ADCY6: variants seen among roughly 807,000 people sequenced by gnomAD.
The protein encoded by ADCY6 is adenylate cyclase type 6.
Under a neutral mutation model 111.6 loss-of-function variants are expected in ADCY6, and 59 were observed. That is an observed-to-expected ratio of 0.53 (90% CI 0.43 to 0.66). The LOEUF (loss-of-function observed/expected upper bound fraction) is 0.66, where lower values mean the gene tolerates loss of function less well. Among genes scored for constraint, ADCY6 ranks in the 30% least tolerant of loss-of-function variants. The pLI, the probability that ADCY6 is intolerant of heterozygous loss-of-function variation, is 0.00. For synonymous variants in ADCY6, 576 were observed against 642.9 expected, an observed-to-expected ratio of 0.90 and a Z score of 1.57; for missense variants, 1,242 against 1,595.6, an observed-to-expected ratio of 0.78 and a Z score of 3.78.
intron 1 of ADCY6, 31 bp from the exon 2 acceptor site, chr12:48,783,469 G>C: frequency 1.2e-6 from 2 of 1,613,718 alleles, no homozygotes; most frequent in Non-Finnish European, 1.7e-6. Context: ...TAGTATTAGA[G>C]ACCATCCAGT....
At position 48,783,258 on chromosome 12, in the gene ADCY6, G is replaced by A. The variant is rs541625063; in HGVS notation, c.177C>T (p.Gly59=). Residue 59 remains glycine (G), a synonymous_variant, in exon 2 of 22, where the codon GGC becomes GGT. Coordinates refer to ENST00000357869, the MANE Select transcript of ADCY6 (RefSeq NM_015270.5). ...CATCCTGCCAGGGGCACCGAGGGGGGCCCGCAGGGGTGGGGCTGGGTGGCT... is the reference window on the plus strand; with the variant it reads ...CATCCTGCCAGGGGCACCGAGGGGGACCCGCAGGGGTGGGGCTGGGTGGCT... ...DAEPPSPTPA[G]PPRCPWQDDA... is the part of the protein sequence containing the mutation. 6.2e-7 allele frequency: 1 copy of A among 1,610,816 alleles called. No homozygotes were observed. Among genetic ancestry groups the A allele is most frequent in the Admixed American group, 1.7e-5 (1 of 59,944 alleles).
intron 18 of ADCY6, 31 bp from the exon 19 acceptor site, chr12:48,772,004 C>G (rs369144920): frequency 1.7e-5 from 27 of 1,584,494 alleles, no homozygotes; most frequent in South Asian, 3.5e-5. Flanking sequence ...ACCCATTGCC[C>G]GACATTCACA....
In ADCY6 at chr12:48,776,276, T is replaced by A; in HGVS notation, c.1610A>T (p.Glu537Val). Residue 537 changes from glutamate to valine, a missense_variant, in exon 8 of 22, where the codon GAG (glutamate) becomes GTG (valine). This residue lies in a region of ADCY6 where 260 missense variants were observed against 414.6 expected (regional missense o/e 0.63). Coordinates refer to ENST00000357869, the MANE Select transcript of ADCY6 (RefSeq NM_015270.5). The surrounding 1 kb of genome is among the most constrained non-coding windows in gnomAD (Gnocchi z 6.1). ...CTGCTCCTTGAGGTACGCGTTGCGC[T>A]CGCCACCACGGCCTGGCTCCACCTC... ...DYEVEPGRGGERNAYLKEQHI... is the reference protein window; with the variant it reads ...DYEVEPGRGGVRNAYLKEQHI... 1 of 1,614,216 alleles carries A rather than the reference T, an allele frequency of 6.2e-7. No homozygotes were observed. Among genetic ancestry groups the A allele is most frequent in the Non-Finnish European group, 8.5e-7 (1 of 1,180,042 alleles).
Position 48,772,434 on chromosome 12 carries a change from A to G in ADCY6, c.2658-10T>C, listed in dbSNP as rs1433342804. ...CCTCCCTGCAGCTGGACTAAGGATA[A>G]GCAGAGACATGCTTGGTGTCTGAAG... On this transcript the variant is annotated splice_polypyrimidine_tract_variant and intron_variant, in intron 17 of 21. Transcript: ENST00000357869. 6.2e-7 allele frequency: 1 copy of G among 1,614,148 alleles called. No individual in the cohort carries two copies. The highest frequency in any genetic ancestry group is 8.5e-7 in the Non-Finnish European group (1 of 1,179,996).
rs1941689872 is a variant in ADCY6 at position 48,776,016 on chromosome 12, C to T, written c.1753G>A (p.Val585Ile). The T allele has an allele frequency of 6.2e-7, 1 of 1,612,800 alleles. No individual in the cohort carries two copies. Among genetic ancestry groups the T allele is most frequent in the African/African-American group, 1.3e-5 (1 of 75,036 alleles). ...GTCCGGGAGAAGGCACGATCAGGAACCCAGCGCGGCATCAGCCCTTCCATG... is the reference window on the plus strand; with the variant it reads ...GTCCGGGAGAAGGCACGATCAGGAATCCAGCGCGGCATCAGCCCTTCCATG... ...NSMEGLMPRW[V>I]PDRAFSRTKD... The change falls in exon 9 of 22, where the codon GTT becomes ATT. Residue 585 changes from valine to isoleucine, a missense_variant. By Grantham distance (29) the Val-to-Ile change is conservative. Transcript: ENST00000357869. This position sits in a 1 kb window ranked among gnomAD's most constrained non-coding sequence, Gnocchi z 6.1.
rs757103955 is a variant in ADCY6, at chr12:48,768,030, G to A, written c.*561C>T. ...ATATGGCCAAAGCTGGCTCCCCAGA[G>A]CTTCTCCCTCCTCTGCTCTGTGCAT... On this transcript the variant is annotated 3_prime_UTR_variant, in exon 22 of 22. Transcript: ENST00000357869. 6.3e-6 allele frequency: 1 copy of A among 157,754 alleles called. No homozygotes were observed. The highest frequency in any genetic ancestry group is 1.4e-5 in the Non-Finnish European group (1 of 70,718). The allele number at this position is 157,754 out of a possible 1,614,324, so 9.8% of individuals were successfully genotyped here.
Position 48,776,738 on chromosome 12 carries a change from G to T in ADCY6, c.1377-152C>A. The T allele has an allele frequency of 9.5e-7, 1 of 1,051,076 alleles. No individual in the cohort carries two copies. Among genetic ancestry groups the T allele is most frequent in the Non-Finnish European group, 1.3e-6 (1 of 747,890 alleles). The allele number at this position is 1,051,076 out of a possible 1,614,324, so 65.1% of individuals were successfully genotyped here. A position where few individuals can be genotyped will look rare whatever the true frequency, so the allele number is the denominator to read the frequency against. On this transcript the variant is annotated intron_variant, in intron 6 of 21. Coordinates refer to ENST00000357869, the MANE Select transcript of ADCY6 (RefSeq NM_015270.5). This position sits in a 1 kb window ranked among gnomAD's most constrained non-coding sequence, Gnocchi z 6.1. The stretch of plus-strand genomic sequence containing the variant: ...AGCCTTGGTTGGACATGAGCAGAAG[G>T]CTGCATGGGGCTCAAGGACAAATGT...
intron 2 of ADCY6, among the ~76,000 whole-genome samples, chr12:48,779,664 T>TG (rs1317305187): frequency 1.3e-5 from 2 of 152,166 alleles, no homozygotes; most frequent in Non-Finnish European, 2.9e-5. Context: ...TAAGGGAAGC[T>TG]GGCCTCAGTG....
chr12:48,775,080 T>G, intron 11 of ADCY6, 26 bp from the exon 12 acceptor site: 1 of 1,537,564 alleles, frequency 6.5e-7, no homozygotes, highest in South Asian at 1.2e-5. Context: ...CTGAGCTGAG[T>G]GCTGGGCCCT....
chr12:48,788,928 G>A lies in ADCY6; in HGVS notation c.-27C>T, dbSNP rs939856489. ...CACCTGCCGGCCCGGCTCCGCGCCTGCCCTGGGCCCCCGCCCCGCCGCCCC... is the reference window on the plus strand; with the variant it reads ...CACCTGCCGGCCCGGCTCCGCGCCTACCCTGGGCCCCCGCCCCGCCGCCCC... On this transcript the variant is annotated 5_prime_UTR_variant, in exon 1 of 22. Transcript: ENST00000357869. 1.4e-5 allele frequency: 2 copies of A among 147,958 alleles called. No homozygotes were observed. Among genetic ancestry groups the A allele is most frequent in the Admixed American group, 6.7e-5 (1 of 14,864 alleles). 9.2% of individuals were successfully genotyped at this position (147,958 alleles called of 1,614,324 possible).
In ADCY6 at chr12:48,776,988, G is replaced by T; in HGVS notation, c.1376+116C>A. ...AGATTCCCCTTCCCAGTGACAGACA[G>T]ACCTCAAAGACAGAGAAAGCCAAAA... On this transcript the variant is annotated intron_variant, in intron 6 of 21. Transcript: ENST00000357869. This position sits in a 1 kb window ranked among gnomAD's most constrained non-coding sequence, Gnocchi z 6.1. 7.1e-7 allele frequency: 1 copy of T among 1,410,320 alleles called. No homozygotes were observed. The highest frequency in any genetic ancestry group is 9.5e-7 in the Non-Finnish European group (1 of 1,049,528). The allele number at this position is 1,410,320 out of a possible 1,614,324, so 87.4% of individuals were successfully genotyped here.
At chr12:48,772,247 G>T in intron 18 of ADCY6, 48 bp downstream of exon 18, 3 of 1,569,416 alleles carry the variant, frequency 1.9e-6, no homozygotes, top group Non-Finnish European at 1.7e-6. Context: ...CCTGGCCCAG[G>T]CTCCGCCCCT....
At chr12:48,772,154 G>A (rs1255113679) in intron 18 of ADCY6, 141 bp downstream of exon 18, 2 of 1,408,342 alleles carry the variant, frequency 1.4e-6, no homozygotes, top group Admixed American at 4.8e-5. Context: ...GGGAGTAAGG[G>A]ATGGGCACAG....
At chr12:48,786,715 A>G (rs1426997559) in intron 1 of ADCY6, among the ~76,000 whole-genome samples, 1 of 152,200 alleles carries the variant, frequency 6.6e-6, no homozygotes, top group Non-Finnish European at 1.5e-5. Context: ...CAGATCAGGA[A>G]TACAAGACTT....
chr12:48,775,232 T>C (rs1941663941), intron 11 of ADCY6, 71 bp downstream of exon 11: 1 of 1,597,800 alleles, frequency 6.3e-7, no homozygotes, highest in Non-Finnish European at 8.6e-7. Context: ...TGCCCTCACC[T>C]GTGCTCAGCC....
chr12:48,767,275 G>A lies in ADCY6; in HGVS notation c.*1316C>T, dbSNP rs755554025. 3.3e-5 allele frequency: 5 copies of A among 152,634 alleles called. No homozygotes were observed. Among genetic ancestry groups the A allele is most frequent in the Admixed American group, 1.3e-4 (2 of 15,274 alleles). 9.5% of individuals were successfully genotyped at this position (152,634 alleles called of 1,614,324 possible). On this transcript the variant is annotated 3_prime_UTR_variant, in exon 22 of 22. Coordinates refer to ENST00000357869, the MANE Select transcript of ADCY6 (RefSeq NM_015270.5). Reference sequence around the variant, plus strand: ...CGCTTGGGTCCCTGCCACAGACAGGGAGAGTCATGCTGCACACATGGCCCC... The same window carrying A: ...CGCTTGGGTCCCTGCCACAGACAGGAAGAGTCATGCTGCACACATGGCCCC...
intron 2 of ADCY6, 162 bp from the exon 3 acceptor site, chr12:48,778,419 C>T: frequency 1.3e-6 from 1 of 765,662 alleles, no homozygotes; most frequent in Non-Finnish European, 2.1e-6. Context: ...ATATCTCTCC[C>T]ATTACCCACA....
Position 48,783,430 on chromosome 12 carries a change from G to C in ADCY6, c.5C>G (p.Ser2Ter). The C allele has an allele frequency of 6.2e-7, 1 of 1,614,180 alleles. No homozygotes were observed. M[S>*]WFSGLLVPKV... ...AGGGACCAGGAGGCCACTAAACCAT[G>C]ACATGTTGCTGGTAGGGAAGGAAGG... is the stretch of plus-strand genomic sequence containing the variant. The change falls in exon 2 of 22, where the codon TCA becomes TGA. Residue 2 changes from serine to a stop codon, truncating the protein, a stop_gained. Transcript: ENST00000357869. LOFTEE classifies it high-confidence loss of function.
intron 1 of ADCY6, chr12:48,783,755 C>A (rs897571551): frequency 1.0e-5 from 4 of 395,894 alleles, no homozygotes; most frequent in Admixed American, 8.7e-5. Context: ...GCAACCTGGG[C>A]AATACAGCAA....
Sources: allele counts gnomAD v4.1 joint callset (sites outside exome capture counted in the v4.1 genomes callset), GRCh38; gene constraint gnomAD v4.1.1; regional missense constraint gnomAD v4.1.1; non-coding constraint Gnocchi (gnomAD v3.1); transcripts MANE v1.5; gene names NCBI Gene and HGNC (gene_info 2026-07-23, HGNC 2026-07-21).